The following MED13 variants were observed in gnomAD, a reference collection of about 807,000 sequenced individuals.
The protein encoded by MED13 is mediator complex subunit 13, also known as mediator of RNA polymerase II transcription subunit 13.
A neutral mutation model predicts 225.2 loss-of-function variants in MED13; 23 were observed. That is an observed-to-expected ratio of 0.10 (90% confidence interval 0.07 to 0.14). The LOEUF (loss-of-function observed/expected upper bound fraction) is 0.14, where lower values mean the gene tolerates loss of function less well. Ranked by LOEUF, MED13 falls within the 10% of genes least tolerant of loss-of-function variation. The pLI is 1.00. For synonymous variants in MED13, 942 were observed against 889.2 expected, an observed-to-expected ratio of 1.06 and a Z score of -1.06; for missense variants, 2,197 against 2,594.5, an observed-to-expected ratio of 0.85 and a Z score of 3.33.
chr17:62,022,602 C>T (rs2080659976), intron 8 of MED13, among the ~76,000 whole-genome samples: 1 of 152,006 alleles, frequency 6.6e-6, no homozygotes, highest in South Asian at 2.1e-4. Flanking sequence ...AGCCACCACA[C>T]CCAGCCACAG....
At chr17:61,966,804 G>A (rs1722007062) in intron 18 of MED13, among the ~76,000 whole-genome samples, 153 bp from the exon 19 acceptor site, 1 of 151,900 alleles carries the variant, frequency 6.6e-6, no homozygotes, top group Non-Finnish European at 1.5e-5. Flanking sequence ...TTAGAAGTAG[G>A]CCAAAAAAAT....
At chr17:62,040,275 T>C (rs1325613348) in intron 3 of MED13, among the ~76,000 whole-genome samples, 1 of 152,196 alleles carries the variant, frequency 6.6e-6, no homozygotes, top group Non-Finnish European at 1.5e-5. Flanking sequence ...ATTCGAAGTA[T>C]TATTAGTTAC....
At position 62,015,971 on chromosome 17, in the gene MED13, T is replaced by A. The variant is rs1309248048; in HGVS notation, c.1284-4738A>T. ...ATATATATATTTTTTTTTTTTTTTT[T>A]TTTTTTTTTTTTAGTAGAGACCGGT... On this transcript the variant is annotated intron_variant, in intron 8 of 29. Transcript: ENST00000397786. Among the ~76,000 whole-genome samples the A allele has an allele frequency of 2.0e-3, 135 of 67,860 alleles. 9 individuals carry two copies. In the East Asian group the frequency reaches 0.025, roughly 13 times the overall value. 44.5% of individuals were successfully genotyped at this position (67,860 alleles called of 152,430 possible).
intron 9 of MED13, among the ~76,000 whole-genome samples, chr17:62,000,554 T>C (rs1180723057): frequency 1.3e-5 from 2 of 152,194 alleles, no homozygotes; most frequent in Non-Finnish European, 2.9e-5. Context: ...ATTTCTATCA[T>C]CTAATTAAGG....
intron 5 of MED13, among the ~76,000 whole-genome samples, chr17:62,031,984 TGTTTAA>T (rs1424938789): frequency 3.3e-5 from 5 of 152,084 alleles, no homozygotes; most frequent in East Asian, 1.9e-4. Flanking sequence ...TCAATTTTAT[TGTTTAA>T]GTTTAACAAA....
intron 12 of MED13, 74 bp from the exon 13 acceptor site, chr17:61,985,164 T>A: frequency 8.0e-7 from 1 of 1,253,778 alleles, no homozygotes; most frequent in South Asian, 1.3e-5. Context: ...CATTCAGATA[T>A]AACTTAACAG....
At position 62,037,955 on chromosome 17, in the gene MED13, CAAAAAAAAAAAAAAA is replaced by C. The variant is rs397857634; in HGVS notation, c.471-2362_471-2348del. Among the ~76,000 whole-genome samples the C allele has an allele frequency of 2.0e-3, 131 of 64,778 alleles. 1 individual carries two copies. The highest frequency in any genetic ancestry group is 3.1e-3 in the Non-Finnish European group (98 of 31,842). 42.5% of individuals were successfully genotyped at this position (64,778 alleles called of 152,430 possible). A position where few individuals can be genotyped will look rare whatever the true frequency, so the allele number is the denominator to read the frequency against. On this transcript the variant is annotated intron_variant, in intron 3 of 29. Coordinates refer to ENST00000397786, the MANE Select transcript of MED13 (RefSeq NM_005121.3). ...TGGGCAACAGAGTGAGACTTCATCTCAAAAAAAAAAAAAAAAAAAAAAAAAAAAAAGACACAGCGG... is the reference window on the plus strand; with the variant it reads ...TGGGCAACAGAGTGAGACTTCATCTCAAAAAAAAAAAAAAAGACACAGCGG...
rs1213412887 is a variant in MED13 at position 62,035,621 on chromosome 17, A to G, written c.471-13T>C. ...GGACAAGTGTTCACTAAAAAAGAAG[A>G]AAAAGTTTTATCTTAGTGATGACTA... On this transcript the variant is annotated splice_polypyrimidine_tract_variant and intron_variant, in intron 3 of 29. Transcript: ENST00000397786. The G allele has an allele frequency of 6.3e-7, 1 of 1,598,450 alleles. No homozygotes were observed. Among genetic ancestry groups the G allele is most frequent in the East Asian group, 2.2e-5 (1 of 44,648 alleles).
At position 62,029,617 on chromosome 17, in the gene MED13, C is replaced by T. The variant is rs752959646; in HGVS notation, c.1207G>A (p.Glu403Lys). ...KYSASSGGLC[E>K]EATAAKVASW... Reference sequence around the variant, plus strand: ...GCCACTTTAGCAGCTGTCGCTTCTTCGCATAGACCACCTGATGAAGCAGAA... The same window carrying T: ...GCCACTTTAGCAGCTGTCGCTTCTTTGCATAGACCACCTGATGAAGCAGAA... Residue 403 changes from glutamate (E) to lysine (K), a missense_variant, in exon 8 of 30, where the codon GAA (glutamate) becomes AAA (lysine). Physicochemically the swap from Glu to Lys is moderately conservative, Grantham distance 56 (BLOSUM62 1). Transcript: ENST00000397786. 28 of 1,613,978 alleles carry T rather than the reference C, an allele frequency of 1.7e-5. No individual in the cohort carries two copies. Among genetic ancestry groups the T allele is most frequent in the South Asian group, 2.2e-5 (2 of 91,042 alleles).
At chr17:61,961,963 G>A (rs751374585) in intron 21 of MED13, among the ~76,000 whole-genome samples, 184 bp from the exon 22 acceptor site, 5 of 152,066 alleles carry the variant, frequency 3.3e-5, no homozygotes, top group African/African-American at 4.8e-5. Flanking sequence ...TTTTACCAAT[G>A]GGTTCTGAAT....
intron 16 of MED13, among the ~76,000 whole-genome samples, chr17:61,973,548 T>C (rs760080093): frequency 1.6e-4 from 24 of 152,212 alleles, no homozygotes; most frequent in Non-Finnish European, 3.2e-4. Flanking sequence ...CTAAAAGATA[T>C]TGATATAATA....
intron 2 of MED13, among the ~76,000 whole-genome samples, chr17:62,053,010 G>A (rs1341280721): frequency 6.6e-6 from 1 of 152,160 alleles, no homozygotes; most frequent in Non-Finnish European, 1.5e-5. Flanking sequence ...ACACTTGTTT[G>A]TATAACCTGG....
chr17:62,010,875 C>T lies in MED13; in HGVS notation c.1642G>A (p.Val548Met), dbSNP rs769302158. The T allele has an allele frequency of 1.2e-6, 2 of 1,614,102 alleles. No homozygotes were observed. Among genetic ancestry groups the T allele is most frequent in the African/African-American group, 2.7e-5 (2 of 74,930 alleles). Reference protein sequence around the residue: ...PHPCDVVDEGVTKTPSTPQSQ... With the variant: ...PHPCDVVDEGMTKTPSTPQSQ... The stretch of plus-strand genomic sequence containing the variant: ...TGAGGAGTTGAAGGTGTTTTAGTCA[C>T]TCCTTCATCAACCACATCACAAGGG... Residue 548 changes from valine (V) to methionine (M), a missense_variant, in exon 9 of 30, where the codon GTG becomes ATG. Physicochemically the swap from Val to Met is conservative, Grantham distance 21. Around this residue, in one of 12 missense-constraint regions of MED13, gnomAD observed 884 missense variants for 918.5 expected, o/e 0.96. Coordinates refer to ENST00000397786, the MANE Select transcript of MED13 (RefSeq NM_005121.3).
rs1470579291 is a variant in MED13 at position 61,944,113 on chromosome 17, A to G, written c.*2355T>C. The G allele has an allele frequency of 6.6e-6, 1 of 152,562 alleles. No homozygotes were observed. Among genetic ancestry groups the G allele is most frequent in the African/African-American group, 2.4e-5 (1 of 41,428 alleles). The allele number at this position is 152,562 out of a possible 1,614,324, so 9.5% of individuals were successfully genotyped here. ...AAAAAATCTTATCAATAAATCCTGT[A>G]TATTTGGGAACTATTCCCTGATTCC... On this transcript the variant is annotated 3_prime_UTR_variant, in exon 30 of 30. Transcript: ENST00000397786.
At chr17:61,966,325 G>A in intron 19 of MED13, 137 bp downstream of exon 19, 4 of 700,240 alleles carry the variant, frequency 5.7e-6, no homozygotes, top group Non-Finnish European at 9.3e-6. Context: ...CTCCAATGTT[G>A]TAGCACAAAA....
At chr17:61,965,500 T>G in intron 19 of MED13, 32 bp from the exon 20 acceptor site, 2 of 1,559,652 alleles carry the variant, frequency 1.3e-6, no homozygotes, top group Non-Finnish European at 1.7e-6. Flanking sequence ...GAAATTTAAT[T>G]CTTTATTTCA....
chr17:62,053,075 G>C (rs779477861), intron 2 of MED13, among the ~76,000 whole-genome samples: 29 of 152,110 alleles, frequency 1.9e-4, no homozygotes, highest in Non-Finnish European at 3.4e-4. Context: ...TGGCTCACTT[G>C]TTACTTTGTC....
At chr17:62,010,222 A>G (rs1393551410) in intron 9 of MED13, among the ~76,000 whole-genome samples, 1 of 152,102 alleles carries the variant, frequency 6.6e-6, no homozygotes, top group Non-Finnish European at 1.5e-5. Context: ...GTCTCAAAAA[A>G]AAAAAAAAGG....
At position 61,964,932 on chromosome 17, in the gene MED13, T is replaced by G. The variant is rs2080041794; in HGVS notation, c.4844+74A>C. On this transcript the variant is annotated intron_variant, in intron 20 of 29. Transcript: ENST00000397786. ...GCCTGCGCAAAAGAGTGAGACTGTG[T>G]CTCAAGAAAAAAAAAGAAAGAAGCA... is the stretch of plus-strand genomic sequence containing the variant. The G allele has an allele frequency of 3.6e-6, 5 of 1,391,640 alleles. No homozygotes were observed. The African/African-American group carries it at 5.8e-5, about 16-fold the overall frequency. 86.2% of individuals were successfully genotyped at this position (1,391,640 alleles called of 1,614,324 possible).
Sources: gnomAD v4.1 joint callset for allele counts (sites outside exome capture counted in the v4.1 genomes callset) on GRCh38, gnomAD v4.1.1 for gene constraint, gnomAD v4.1.1 regional missense constraint, MANE v1.5 for transcripts, NCBI Gene and HGNC (gene_info 2026-07-23, HGNC 2026-07-21) for gene names.